Variants in DEFB112 observed in about 807,000 individuals in gnomAD.
DEFB112 encodes beta-defensin 112.
A neutral mutation model predicts 1.1 loss-of-function variants in DEFB112; 2 were observed. The ratio of observed to expected loss-of-function variants is 1.85; its 90% CI spans 0.76 to 5.83. The LOEUF is 5.83. Ranked by LOEUF, DEFB112 falls within the 30% of genes most tolerant of loss-of-function variation. DEFB112 has a pLI of 0.05. For missense variants in DEFB112, 120 were observed against 94.4 expected, an observed-to-expected ratio of 1.27 and a Z score of -1.12; for synonymous variants, 40 against 31.2, an observed-to-expected ratio of 1.28 and a Z score of -0.93.
chr6:50,047,949 C>T (rs1342319679), intron 1 of DEFB112, among the ~76,000 whole-genome samples: 9 of 151,982 alleles, frequency 5.9e-5, no homozygotes, highest in Admixed American at 4.6e-4. Flanking sequence ...AGTTCGCTAC[C>T]AGCCTAGCCA....
At chr6:50,049,184 G>A (rs1041300823) in intron 1 of DEFB112, among the ~76,000 whole-genome samples, 2 of 151,890 alleles carry the variant, frequency 1.3e-5, no homozygotes, top group African/African-American at 4.8e-5. Context: ...TAAATGTTAG[G>A]GCAGAATAAC....
chr6:50,043,504 G>A lies in DEFB112; in HGVS notation c.*71C>T. 8.8e-7 allele frequency: 1 copy of A among 1,141,684 alleles called. No homozygotes were observed. Among genetic ancestry groups the A allele is most frequent in the Non-Finnish European group, 1.3e-6 (1 of 771,886 alleles). 70.7% of individuals were successfully genotyped at this position (1,141,684 alleles called of 1,614,324 possible). A position where few individuals can be genotyped will look rare whatever the true frequency, so the allele number is the denominator to read the frequency against. On this transcript the variant is annotated 3_prime_UTR_variant, in exon 2 of 2. Transcript: ENST00000651554. Reference sequence around the variant, plus strand: ...AGGTATGCATGCATGGAAATTATAGGTCATTAATGAAGTGATGAAATAATG... The same window carrying A: ...AGGTATGCATGCATGGAAATTATAGATCATTAATGAAGTGATGAAATAATG...
intron 1 of DEFB112, chr6:50,048,540 T>G (rs754734578): frequency 6.2e-7 from 1 of 1,611,634 alleles, no homozygotes; most frequent in East Asian, 2.2e-5. Context: ...GTTTTACCTG[T>G]GCTGATTTTC....
chr6:50,047,055 G>A (rs1047635906), intron 1 of DEFB112, among the ~76,000 whole-genome samples: 3 of 152,160 alleles, frequency 2.0e-5, no homozygotes, highest in Non-Finnish European at 2.9e-5. Context: ...GTGTTGGGGG[G>A]ATCCAGAGCC....
In DEFB112 at chr6:50,045,983, T is replaced by C. The variant is rs567755139; in HGVS notation, c.59-2182A>G. Among the ~76,000 whole-genome samples the C allele has an allele frequency of 3.3e-5, 5 of 152,242 alleles. No individual in the cohort carries two copies. In the South Asian group the frequency reaches 1.0e-3, roughly 32 times the overall value. ...CATACAACAATTCTGTTTTATGCTT[T>C]TAGTACATTATCAAACACATTCCAT... On this transcript the variant is annotated intron_variant, in intron 1 of 1. Coordinates refer to ENST00000651554, the MANE Select transcript of DEFB112 (RefSeq NM_001369057.2).
Position 50,043,668 on chromosome 6 carries a change from G to A in DEFB112, c.192C>T (p.Cys64=), listed in dbSNP as rs181301265. ...SYCARPTTHC[C]VTECDPTDPN... ...GGTCCGTAGGGTCACATTCTGTCACGCAGCAATGAGTTGTAGGTCTTGCAC... is the reference window on the plus strand; with the variant it reads ...GGTCCGTAGGGTCACATTCTGTCACACAGCAATGAGTTGTAGGTCTTGCAC... The change falls in exon 2 of 2, where the codon TGC becomes TGT. Residue 64 remains cysteine, a synonymous_variant. Transcript: ENST00000651554. 4.3e-5 allele frequency: 70 copies of A among 1,613,438 alleles called. No individual in the cohort carries two copies. In the Admixed American group the frequency reaches 5.7e-4, roughly 13 times the overall value.
intron 1 of DEFB112, among the ~76,000 whole-genome samples, chr6:50,048,053 A>T (rs1774864163): frequency 1.3e-5 from 2 of 151,984 alleles, no homozygotes; most frequent in Non-Finnish European, 2.9e-5. Flanking sequence ...AGGCTGAAGC[A>T]GGAGAATTGC....
At chr6:50,048,336 T>A (rs906921406) in intron 1 of DEFB112, among the ~76,000 whole-genome samples, 1 of 152,104 alleles carries the variant, frequency 6.6e-6, no homozygotes, top group African/African-American at 2.4e-5. Flanking sequence ...ATCAAAAAAA[T>A]CGGCCTCTAC....
intron 1 of DEFB112, among the ~76,000 whole-genome samples, chr6:50,046,721 T>C (rs1476746705): frequency 6.6e-6 from 1 of 152,222 alleles, no homozygotes; most frequent in Non-Finnish European, 1.5e-5. Context: ...CTTTGCTAGT[T>C]ATATATGTAG....
chr6:50,044,211 CTT>C (rs1386390436), intron 1 of DEFB112, among the ~76,000 whole-genome samples: 1 of 152,028 alleles, frequency 6.6e-6, no homozygotes, highest in African/African-American at 2.4e-5. Flanking sequence ...TTTAACCTGA[CTT>C]GAGCAGTTCT....
intron 1 of DEFB112, among the ~76,000 whole-genome samples, chr6:50,045,025 T>G (rs918932546): frequency 6.6e-6 from 1 of 152,102 alleles, no homozygotes; most frequent in Non-Finnish European, 1.5e-5. Context: ...TAACATACTC[T>G]GGATTTGCAG....
At chr6:50,043,937 T>C (rs1203265411) in intron 1 of DEFB112, 136 bp from the exon 2 acceptor site, 3 of 748,366 alleles carry the variant, frequency 4.0e-6, no homozygotes. Flanking sequence ...TTTTTGTCCA[T>C]ATCAGAGAAA....
Position 50,049,916 on chromosome 6 carries a change from A to G in DEFB112, c.-47T>C, listed in dbSNP as rs1774897656. Among the ~76,000 whole-genome samples, 1 of 151,972 alleles carries G rather than the reference A, an allele frequency of 6.6e-6. No homozygotes were observed. The highest frequency in any genetic ancestry group is 6.6e-5 in the Admixed American group (1 of 15,248). Reference sequence around the variant, plus strand: ...AAACAGTGTACAGATCATCTGTCTGACTCAGCTGTTGTTGAAACAAGAAAA... The same window carrying G: ...AAACAGTGTACAGATCATCTGTCTGGCTCAGCTGTTGTTGAAACAAGAAAA... On this transcript the variant is annotated 5_prime_UTR_variant, in exon 1 of 2. Coordinates refer to ENST00000651554, the MANE Select transcript of DEFB112 (RefSeq NM_001369057.2).
At chr6:50,048,161 T>A (rs1382255750) in intron 1 of DEFB112, among the ~76,000 whole-genome samples, 24 of 143,870 alleles carry the variant, frequency 1.7e-4, no homozygotes, top group African/African-American at 5.5e-4. Flanking sequence ...AAAAAAAAAA[T>A]AAATATGTCC....
intron 1 of DEFB112, among the ~76,000 whole-genome samples, 195 bp downstream of exon 1, chr6:50,049,617 A>G (rs572669402): frequency 2.6e-5 from 4 of 152,260 alleles, no homozygotes; most frequent in South Asian, 2.1e-4. Context: ...AATTAAGGTG[A>G]ATTACAGCCT....
intron 1 of DEFB112, among the ~76,000 whole-genome samples, chr6:50,047,508 T>A (rs958855918): frequency 1.3e-5 from 2 of 152,186 alleles, no homozygotes; most frequent in African/African-American, 4.8e-5. Context: ...ATTTCTGTAA[T>A]CTACCCAAGT....
At chr6:50,044,247 A>T (rs1364990847) in intron 1 of DEFB112, among the ~76,000 whole-genome samples, 1 of 152,046 alleles carries the variant, frequency 6.6e-6, no homozygotes, top group African/African-American at 2.4e-5. Flanking sequence ...ATACAATTTT[A>T]TTTTCCTTAA....
At chr6:50,047,930 C>G (rs628851) in intron 1 of DEFB112, among the ~76,000 whole-genome samples, 13,068 of 151,980 alleles carry the variant, frequency 0.086, 1,506 homozygotes, top group African/African-American at 0.26. Flanking sequence ...TAGATCACCT[C>G]AGGTCAGGAG....
rs767962322 is a variant in DEFB112 at position 50,043,811 on chromosome 6, G to A, written c.59-10C>T. The A allele has an allele frequency of 1.2e-6, 2 of 1,610,702 alleles. No individual in the cohort carries two copies. The highest frequency in any genetic ancestry group is 1.7e-6 in the Non-Finnish European group (2 of 1,177,642). On this transcript the variant is annotated splice_polypyrimidine_tract_variant and intron_variant, in intron 1 of 1. Transcript: ENST00000651554. Reference sequence around the variant, plus strand: ...TGCCCTTCACTTCTGGCTGAAAGAAGGCAAGAACAGCTGGAATTAGTAATC... The same window carrying A: ...TGCCCTTCACTTCTGGCTGAAAGAAAGCAAGAACAGCTGGAATTAGTAATC...
Sources: allele counts gnomAD v4.1 joint callset (sites outside exome capture counted in the v4.1 genomes callset), GRCh38; gene constraint gnomAD v4.1.1; transcripts MANE v1.5; gene names NCBI Gene and HGNC (gene_info 2026-07-23, HGNC 2026-07-21).